The following RAI14 variants were observed in gnomAD, a reference collection of about 807,000 sequenced individuals.
RAI14 encodes ankycorbin.
In RAI14, 45 loss-of-function variants were observed where a neutral mutation model predicts 115.4. The ratio of observed to expected loss-of-function variants is 0.39; its 90% CI spans 0.31 to 0.50. RAI14 has a LOEUF of 0.50. RAI14 is among the 20% of genes least tolerant of loss of function. The pLI is 0.85. For synonymous variants in RAI14, 371 were observed against 415.4 expected, an observed-to-expected ratio of 0.89 and a Z score of 1.30; for missense variants, 939 against 1,131.2, an observed-to-expected ratio of 0.83 and a Z score of 2.44.
At chr5:34,687,927 C>T in intron 2 of RAI14, 1 of 924,506 alleles carries the variant, frequency 1.1e-6, no homozygotes, top group Non-Finnish European at 1.6e-6. Context: ...CCTGAGGCTG[C>T]ATCATGACAT....
At chr5:34,767,851 A>G (rs1441899525) in intron 3 of RAI14, among the ~76,000 whole-genome samples, 1 of 151,518 alleles carries the variant, frequency 6.6e-6, no homozygotes, top group East Asian at 2.0e-4. Context: ...TTTCTTATTA[A>G]TTATGTTAAT....
intron 3 of RAI14, among the ~76,000 whole-genome samples, chr5:34,792,233 TTC>T (rs1752995954): frequency 1.0e-5 from 1 of 97,544 alleles, no homozygotes; most frequent in Admixed American, 9.6e-5. Flanking sequence ...CTTTTCTTTT[TTC>T]TTTTTTTTTT....
At chr5:34,814,215 T>C (rs962279600) in intron 11 of RAI14, among the ~76,000 whole-genome samples, 1 of 152,216 alleles carries the variant, frequency 6.6e-6, no homozygotes, top group Admixed American at 6.5e-5. Context: ...ATTTGTTATT[T>C]AAAAATTCAT....
intron 3 of RAI14, among the ~76,000 whole-genome samples, chr5:34,782,405 T>C (rs2150165066): frequency 6.6e-6 from 1 of 152,340 alleles, no homozygotes; most frequent in East Asian, 1.9e-4. Flanking sequence ...ACAGTCATCA[T>C]TGAAATCACA....
At chr5:34,788,229 A>C (rs1752547037) in intron 3 of RAI14, among the ~76,000 whole-genome samples, 1 of 151,756 alleles carries the variant, frequency 6.6e-6, no homozygotes, top group African/African-American at 2.4e-5. Context: ...CACTACTGAT[A>C]TTTTGGTTTG....
At chr5:34,675,772 A>G (rs1743939287) in intron 1 of RAI14, among the ~76,000 whole-genome samples, 1 of 151,606 alleles carries the variant, frequency 6.6e-6, no homozygotes, top group Non-Finnish European at 1.5e-5. Context: ...AAAAAAAAAA[A>G]GGAATGGAAT....
intron 11 of RAI14, among the ~76,000 whole-genome samples, chr5:34,814,333 A>G (rs1024727589): frequency 1.3e-5 from 2 of 152,214 alleles, no homozygotes. Context: ...TTAACCTGCA[A>G]TAGAAGTTTT....
intron 2 of RAI14, chr5:34,688,307 C>T (rs1196493420): frequency 2.8e-6 from 4 of 1,446,770 alleles, no homozygotes; most frequent in Non-Finnish European, 3.8e-6. Context: ...ATTTTGTGAC[C>T]AGGTTAACAA....
At chr5:34,820,362 C>T (rs1409737155) in intron 13 of RAI14, among the ~76,000 whole-genome samples, 1 of 152,184 alleles carries the variant, frequency 6.6e-6, no homozygotes. Context: ...GGCAGATCAC[C>T]TGAGGTCAGG....
At chr5:34,811,615 A>G (rs1755596216) in intron 8 of RAI14, 152 bp from the exon 9 acceptor site, 2 of 614,382 alleles carry the variant, frequency 3.3e-6, no homozygotes, top group Non-Finnish European at 5.3e-6. Context: ...TTTCATCTTG[A>G]TTGCATTCCA....
intron 2 of RAI14, among the ~76,000 whole-genome samples, chr5:34,692,067 A>C (rs1738669979): frequency 6.6e-6 from 1 of 152,204 alleles, no homozygotes; most frequent in Non-Finnish European, 1.5e-5. Flanking sequence ...GTTCGAGACC[A>C]GCCTGGCCAA....
chr5:34,800,966 G>T (rs1191143357), intron 4 of RAI14, among the ~76,000 whole-genome samples: 4 of 152,170 alleles, frequency 2.6e-5, no homozygotes, highest in East Asian at 1.9e-4. Context: ...CTCAGAATGT[G>T]CTTGTCCACA....
chr5:34,785,387 T>G (rs1311120445), intron 3 of RAI14, among the ~76,000 whole-genome samples: 1 of 152,148 alleles, frequency 6.6e-6, no homozygotes, highest in Non-Finnish European at 1.5e-5. Context: ...CTTTGAGGGC[T>G]GTATAATTGT....
intron 2 of RAI14, among the ~76,000 whole-genome samples, chr5:34,712,653 A>G (rs149599493): frequency 1.4e-3 from 216 of 152,348 alleles, no homozygotes; most frequent in African/African-American, 5.1e-3. Flanking sequence ...TGAGTTATAT[A>G]TAAGGATGTT....
intron 4 of RAI14, among the ~76,000 whole-genome samples, chr5:34,801,206 C>G (rs933150235): frequency 6.6e-6 from 1 of 152,176 alleles, no homozygotes; most frequent in African/African-American, 2.4e-5. Flanking sequence ...TGGGAGGGGA[C>G]AGAGGGATTC....
At chr5:34,701,042 G>C (rs1363625064) in intron 2 of RAI14, among the ~76,000 whole-genome samples, 1 of 152,156 alleles carries the variant, frequency 6.6e-6, no homozygotes, top group Non-Finnish European at 1.5e-5. Context: ...TCCTGGTTTT[G>C]ATGGGGCAGC....
chr5:34,726,827 C>T (rs1056805866), intron 2 of RAI14, among the ~76,000 whole-genome samples: 6 of 152,170 alleles, frequency 3.9e-5, no homozygotes, highest in Non-Finnish European at 7.4e-5. Context: ...GTGAGGTCTC[C>T]GCAGTCATGC....
chr5:34,793,644 AATTG>A (rs938777391), intron 3 of RAI14, among the ~76,000 whole-genome samples: 22 of 152,320 alleles, frequency 1.4e-4, no homozygotes, highest in South Asian at 6.2e-4. Context: ...AGATAAATAT[AATTG>A]ATTGATTGAT....
At chr5:34,679,867 C>G (rs147710422) in intron 1 of RAI14, among the ~76,000 whole-genome samples, 3 of 151,846 alleles carry the variant, frequency 2.0e-5, no homozygotes, top group Non-Finnish European at 4.4e-5. Context: ...ATGACGCTAA[C>G]CCGTGTCAGA....
Sources: allele counts gnomAD v4.1 joint callset (sites outside exome capture counted in the v4.1 genomes callset), GRCh38; gene constraint gnomAD v4.1.1; transcripts MANE v1.5; gene names NCBI Gene and HGNC (gene_info 2026-07-23, HGNC 2026-07-21).